Variants in DOCK4 observed in about 807,000 individuals in gnomAD.
DOCK4 encodes the protein dedicator of cytokinesis protein 4.
Under a neutral mutation model 268.1 loss-of-function variants are expected in DOCK4, and 97 were observed. That is an observed-to-expected ratio of 0.36 (90% confidence interval 0.31 to 0.43). The LOEUF is 0.43. DOCK4 is among the 20% of genes least tolerant of loss of function. The pLI is 1.00. For synonymous variants in DOCK4, 954 were observed against 887.2 expected (o/e 1.08, Z -1.34); for missense variants, 2,145 against 2,455.7 (o/e 0.87, Z 2.67).
chr7:112,114,165 C>T (rs117588877), intron 1 of DOCK4, among the ~76,000 whole-genome samples: 2 of 152,270 alleles, frequency 1.3e-5, no homozygotes, highest in African/African-American at 2.4e-5. Context: ...ATGAGCCATC[C>T]TGCCTCCTTG....
intron 1 of DOCK4, among the ~76,000 whole-genome samples, chr7:112,109,836 C>T (rs951420618): frequency 1.3e-5 from 2 of 151,130 alleles, no homozygotes; most frequent in East Asian, 1.9e-4. Flanking sequence ...GCTCCGCCTC[C>T]CGGGTTCACG....
At chr7:111,738,478 C>T (rs1182386470) in intron 49 of DOCK4, among the ~76,000 whole-genome samples, 1 of 152,224 alleles carries the variant, frequency 6.6e-6, no homozygotes, top group African/African-American at 2.4e-5. Flanking sequence ...TAAGAGGTTC[C>T]CCCAGACTTC....
intron 26 of DOCK4, among the ~76,000 whole-genome samples, chr7:111,833,015 T>C (rs1159755365): frequency 6.6e-6 from 1 of 152,226 alleles, no homozygotes; most frequent in Admixed American, 6.5e-5. Flanking sequence ...TTCTCTGCTA[T>C]TTTTTAATTC....
In DOCK4 at chr7:112,018,179, A is replaced by AAACACACAC; in HGVS notation, c.38-14049_38-14048insGTGTGTGTT. Among the ~76,000 whole-genome samples the AAACACACAC allele has an allele frequency of 4.1e-5, 3 of 72,590 alleles. 1 individual carries two copies. Among genetic ancestry groups the AAACACACAC allele is most frequent in the African/African-American group, 1.6e-4 (3 of 18,470 alleles). 47.6% of individuals were successfully genotyped at this position (72,590 alleles called of 152,430 possible). On this transcript the variant is annotated intron_variant, in intron 1 of 52. Coordinates refer to ENST00000428084, the MANE Select transcript of DOCK4 (RefSeq NM_001363540.2). ...AAAAAAAAAAAAAAAAAAAAAAAAA[A>AAACACACAC]ACACAGGCAACCAGTATTCATGTGG...
rs745954809 is a variant in DOCK4 at position 111,765,179 on chromosome 7, C to T, written c.3959G>A (p.Arg1320His). 1.2e-5 allele frequency: 18 copies of T among 1,555,294 alleles called. No individual in the cohort carries two copies. Among genetic ancestry groups the T allele is most frequent in the Non-Finnish European group, 1.4e-5 (16 of 1,152,840 alleles). The stretch of plus-strand genomic sequence containing the variant: ...AACTCTGAAGAACTCTGGTTCAAGA[C>T]GTTGCTGGTCCATAATTTTGTCATA... Reference protein sequence around the residue: ...SLYDKIMDQQRLEPEFFRVGF... With the variant: ...SLYDKIMDQQHLEPEFFRVGF... The change falls in exon 39 of 53, where the codon CGT (arginine) becomes CAT (histidine). Residue 1320 changes from arginine (R) to histidine (H), a missense_variant. Coordinates refer to ENST00000428084, the MANE Select transcript of DOCK4 (RefSeq NM_001363540.2).
chr7:112,121,093 G>T (rs1812685730), intron 1 of DOCK4, among the ~76,000 whole-genome samples: 1 of 152,146 alleles, frequency 6.6e-6, no homozygotes, highest in South Asian at 2.1e-4. Context: ...CTATATGCCA[G>T]ACACAGTGCT....
chr7:111,904,025 T>C (rs542792546), intron 13 of DOCK4, among the ~76,000 whole-genome samples: 3 of 152,282 alleles, frequency 2.0e-5, no homozygotes, highest in Non-Finnish European at 4.4e-5. Context: ...AGACTAAGTG[T>C]TTCTTGGGAA....
rs1256904928 is a variant in DOCK4, at chr7:111,727,705, TAAA to T, written c.*566_*568del. On this transcript the variant is annotated 3_prime_UTR_variant, in exon 53 of 53. Transcript: ENST00000428084. ...AGCAGTCAAACAGCAAAAGCAACCTTAAAGAAGTATTTTGTTTCAAGAACAAAA... is the reference window on the plus strand; with the variant it reads ...AGCAGTCAAACAGCAAAAGCAACCTTGAAGTATTTTGTTTCAAGAACAAAA... 1.3e-5 allele frequency: 2 copies of T among 152,278 alleles called. No homozygotes were observed. The highest frequency in any genetic ancestry group is 2.9e-5 in the Non-Finnish European group (2 of 68,044). 9.4% of individuals were successfully genotyped at this position (152,278 alleles called of 1,614,324 possible).
rs577753113 is a variant in DOCK4, at chr7:111,904,524, G to A, written c.1193-2723C>T. ...GCACCCTGAGTAGGCTACAGTGTTC[G>A]ACAAAGGAGTAAGGTTCCAAAGGGC... On this transcript the variant is annotated intron_variant, in intron 13 of 52. Transcript: ENST00000428084. Among the ~76,000 whole-genome samples the A allele has an allele frequency of 1.5e-4, 23 of 152,208 alleles. No homozygotes were observed. The South Asian group carries it at 2.7e-3, about 18-fold the overall frequency.
At chr7:112,125,949 T>A (rs1813182842) in intron 1 of DOCK4, among the ~76,000 whole-genome samples, 1 of 152,074 alleles carries the variant, frequency 6.6e-6, no homozygotes, top group African/African-American at 2.4e-5. Context: ...GCTGGGACTA[T>A]AGGCATGCAC....
intron 1 of DOCK4, among the ~76,000 whole-genome samples, chr7:112,129,506 A>C (rs905246015): frequency 1.3e-5 from 2 of 152,148 alleles, no homozygotes; most frequent in African/African-American, 4.8e-5. Flanking sequence ...CTACACACAC[A>C]CACACATTAG....
chr7:111,871,206 C>CT (rs1452312316), intron 20 of DOCK4, among the ~76,000 whole-genome samples: 1 of 152,138 alleles, frequency 6.6e-6, no homozygotes. Flanking sequence ...CCCACAGGTG[C>CT]TTAAGGTATA....
intron 5 of DOCK4, among the ~76,000 whole-genome samples, chr7:111,993,803 T>C (rs3864650): frequency 0.024 from 3,653 of 152,252 alleles, 113 homozygotes; most frequent in East Asian, 0.12. Context: ...TTTGATAAAA[T>C]ACCAAAGCCA....
intron 12 of DOCK4, among the ~76,000 whole-genome samples, chr7:111,922,878 G>A (rs1290029520): frequency 6.6e-6 from 1 of 152,114 alleles, no homozygotes; most frequent in African/African-American, 2.4e-5. Context: ...ACCACACCCA[G>A]CCTGGGTTCA....
At chr7:111,960,485 A>G (rs1262531127) in intron 8 of DOCK4, among the ~76,000 whole-genome samples, 1 of 149,390 alleles carries the variant, frequency 6.7e-6, no homozygotes, top group East Asian at 2.0e-4. Flanking sequence ...AATCAAGCTA[A>G]CCTACCATGA....
At chr7:112,191,757 A>G (rs764134346) in intron 1 of DOCK4, among the ~76,000 whole-genome samples, 2 of 151,964 alleles carry the variant, frequency 1.3e-5, no homozygotes, top group African/African-American at 2.4e-5. Context: ...GGTCCCCTGC[A>G]ACAAATTACT....
chr7:111,926,531 GAGAA>G (rs1310682757), intron 12 of DOCK4, among the ~76,000 whole-genome samples: 5 of 147,356 alleles, frequency 3.4e-5, no homozygotes, highest in Admixed American at 6.8e-5. Flanking sequence ...GAAAGAAAAA[GAGAA>G]AGAGAAAGAG....
chr7:111,959,502 AT>A (rs1451368045), intron 8 of DOCK4, among the ~76,000 whole-genome samples: 1 of 152,236 alleles, frequency 6.6e-6, no homozygotes, highest in Admixed American at 6.5e-5. Context: ...TAAATGATGT[AT>A]GAGACGAGAA....
intron 5 of DOCK4, among the ~76,000 whole-genome samples, 189 bp from the exon 6 acceptor site, chr7:111,989,352 T>C (rs543535942): frequency 1.1e-3 from 166 of 152,322 alleles, no homozygotes; most frequent in African/African-American, 3.6e-3. Context: ...CTCTATATGC[T>C]TCATCTAAGT....
Sources: allele counts gnomAD v4.1 joint callset (sites outside exome capture counted in the v4.1 genomes callset), GRCh38; gene constraint gnomAD v4.1.1; transcripts MANE v1.5; gene names NCBI Gene and HGNC (gene_info 2026-07-23, HGNC 2026-07-21).